RBM39: variants seen among roughly 807,000 people sequenced by gnomAD.
The protein encoded by RBM39 is RNA binding motif protein 39, also known as RNA-binding protein 39.
Under a neutral mutation model 79.6 loss-of-function variants are expected in RBM39, and 12 were observed. That is an observed-to-expected ratio of 0.15 (90% CI 0.10 to 0.24). RBM39 has a LOEUF of 0.24. Among genes scored for constraint, RBM39 ranks in the 10% least tolerant of loss-of-function variants. The pLI, the probability that RBM39 is intolerant of heterozygous loss-of-function variation, is 1.00. For synonymous variants in RBM39, 185 were observed against 208.4 expected, an observed-to-expected ratio of 0.89 and a Z score of 0.97; for missense variants, 243 against 653.4, an observed-to-expected ratio of 0.37 and a Z score of 6.85.
chr20:35,715,273 G>T (rs1426920862), intron 10 of RBM39, among the ~76,000 whole-genome samples: 1 of 152,058 alleles, frequency 6.6e-6, no homozygotes, highest in East Asian at 1.9e-4. Context: ...TGCCTCCTAG[G>T]TTTAGGCAAT....
intron 6 of RBM39, among the ~76,000 whole-genome samples, chr20:35,728,544 T>C (rs372031291): frequency 1.3e-5 from 2 of 152,118 alleles, no homozygotes; most frequent in African/African-American, 2.4e-5. Context: ...TTTGGGAGGC[T>C]GAGGAGGGCA....
At chr20:35,721,992 CG>C (rs2037995538) in intron 8 of RBM39, 115 bp from the exon 9 acceptor site, 1 of 1,214,064 alleles carries the variant, frequency 8.2e-7, no homozygotes, top group South Asian at 1.5e-5. Context: ...TACTACCCTA[CG>C]TAAGTCAGAT....
chr20:35,739,448 C>T (rs2040305723), intron 2 of RBM39: 1 of 471,376 alleles, frequency 2.1e-6, no homozygotes, highest in African/African-American at 2.0e-5. Flanking sequence ...CAGCCACTAT[C>T]GATTTCCTGT....
chr20:35,727,401 CA>C (rs145051301), intron 6 of RBM39, among the ~76,000 whole-genome samples: 605 of 108,752 alleles, frequency 5.6e-3, no homozygotes, highest in African/African-American at 0.011. Context: ...CCGGGGGTCT[CA>C]AAAAAAAAAA....
intron 10 of RBM39, among the ~76,000 whole-genome samples, chr20:35,715,487 T>C (rs60646509): frequency 6.6e-6 from 1 of 151,948 alleles, no homozygotes; most frequent in South Asian, 2.1e-4. Flanking sequence ...AAAAACACTT[T>C]TGACAAGACA....
chr20:35,707,127 G>T lies in RBM39; in HGVS notation c.1300C>A (p.Pro434Thr). 1 of 1,590,276 alleles carries T rather than the reference G, an allele frequency of 6.3e-7. No homozygotes were observed. The highest frequency in any genetic ancestry group is 8.6e-7 in the Non-Finnish European group (1 of 1,161,054). ...ATAAAGTCCATTACTTACGTTTGAG[G>T]GTTAAACATGTTAGAGAGTTGGAAA... ...QCFQLSNMFN[P>T]QTEEEVGWDT... Residue 434 changes from proline to threonine, a missense_variant, in exon 14 of 17, where the codon CCT becomes ACT. Physicochemically the swap from Pro to Thr is conservative, Grantham distance 38. This residue lies in a region of RBM39 where 48 missense variants were observed against 130.2 expected (regional missense o/e 0.37). Transcript: ENST00000253363.
intron 4 of RBM39, chr20:35,731,685 G>A (rs2039382649): frequency 2.0e-6 from 1 of 495,656 alleles, no homozygotes; most frequent in Non-Finnish European, 3.6e-6. Flanking sequence ...AGTTTGCGTT[G>A]ACTGGCATAC....
chr20:35,717,863 C>CTT (rs56755932), intron 9 of RBM39, among the ~76,000 whole-genome samples: 15,489 of 146,770 alleles, frequency 0.11, 824 homozygotes, highest in South Asian at 0.15. Flanking sequence ...AAGAAAGGAA[C>CTT]TTTTTTTTTT....
intron 8 of RBM39, among the ~76,000 whole-genome samples, chr20:35,722,179 A>T (rs772016327): frequency 6.6e-6 from 1 of 152,098 alleles, no homozygotes; most frequent in Non-Finnish European, 1.5e-5. Context: ...AGGCTAAAGC[A>T]GCCAGATCAC....
intron 6 of RBM39, among the ~76,000 whole-genome samples, chr20:35,726,712 AG>A (rs1159166777): frequency 1.3e-5 from 2 of 152,254 alleles, no homozygotes; most frequent in Non-Finnish European, 2.9e-5. Context: ...ATATCAATTA[AG>A]GTTGTAAGTC....
intron 2 of RBM39, chr20:35,740,016 C>T (rs930609053): frequency 2.5e-5 from 4 of 157,136 alleles, no homozygotes; most frequent in Non-Finnish European, 5.7e-5. Context: ...ACTGAGATAC[C>T]GAAATGAGTC....
At chr20:35,736,473 T>C (rs898449129) in intron 3 of RBM39, 6 of 407,910 alleles carry the variant, frequency 1.5e-5, no homozygotes, top group Admixed American at 1.3e-4. Context: ...AATAACATTA[T>C]ATATTTTCTC....
intron 14 of RBM39, among the ~76,000 whole-genome samples, chr20:35,706,212 C>T (rs952548545): frequency 5.9e-5 from 9 of 152,216 alleles, no homozygotes; most frequent in African/African-American, 2.2e-4. Flanking sequence ...GTGGTGTGCA[C>T]TTGTAATCCC....
chr20:35,741,390 C>T (rs970401410), intron 1 of RBM39: 1 of 153,818 alleles, frequency 6.5e-6, no homozygotes, highest in African/African-American at 2.4e-5. Flanking sequence ...CACTCGAAAA[C>T]TTAAGAAAAA....
At chr20:35,733,735 T>C (rs2039624254) in intron 3 of RBM39, among the ~76,000 whole-genome samples, 1 of 152,236 alleles carries the variant, frequency 6.6e-6, no homozygotes, top group Non-Finnish European at 1.5e-5. Flanking sequence ...GTATGCCATT[T>C]TTAAGCCAGT....
intron 2 of RBM39, 75 bp from the exon 3 acceptor site, chr20:35,739,092 AG>A: frequency 3.4e-6 from 4 of 1,185,210 alleles, no homozygotes; most frequent in Non-Finnish European, 5.0e-6. Flanking sequence ...TAAAGGGAAC[AG>A]GAATAAGAAA....
At chr20:35,723,995 T>C (rs1274768092) in intron 8 of RBM39, among the ~76,000 whole-genome samples, 5 of 152,122 alleles carry the variant, frequency 3.3e-5, no homozygotes, top group Admixed American at 3.3e-4. Context: ...GAGCTGTGAT[T>C]ATCTCACTGC....
chr20:35,730,131 T>C (rs918456938), intron 4 of RBM39, among the ~76,000 whole-genome samples: 1 of 152,324 alleles, frequency 6.6e-6, no homozygotes, highest in Middle Eastern at 3.4e-3. Context: ...ACTTCAGTTG[T>C]TTGTTGCAAA....
intron 11 of RBM39, chr20:35,713,933 G>A: frequency 2.7e-6 from 1 of 375,968 alleles, no homozygotes; most frequent in Non-Finnish European, 4.8e-6. Flanking sequence ...TTATTCCTAA[G>A]TATGACATAT....
Sources: allele counts gnomAD v4.1 joint callset (sites outside exome capture counted in the v4.1 genomes callset), GRCh38; gene constraint gnomAD v4.1.1; regional missense constraint gnomAD v4.1.1; transcripts MANE v1.5; gene names NCBI Gene and HGNC (gene_info 2026-07-23, HGNC 2026-07-21).